IFRD1: variants seen among roughly 807,000 people sequenced by gnomAD.
IFRD1 encodes the protein interferon-related developmental regulator 1.
A neutral mutation model predicts 52.9 loss-of-function variants in IFRD1; 35 were observed. The observed-to-expected ratio is 0.66, with a 90% CI of 0.51 to 0.88. The LOEUF (loss-of-function observed/expected upper bound fraction) is 0.88. Among genes scored for constraint, IFRD1 ranks in the 40% least tolerant of loss-of-function variants. IFRD1 has a pLI of 0.00. For synonymous variants in IFRD1, 184 were observed against 188.4 expected, an observed-to-expected ratio of 0.98 and a Z score of 0.19; for missense variants, 517 against 550.8, an observed-to-expected ratio of 0.94 and a Z score of 0.61.
intron 1 of IFRD1, chr7:112,452,203 A>G: frequency 1.3e-6 from 1 of 757,048 alleles, no homozygotes; most frequent in Non-Finnish European, 1.6e-6. Flanking sequence ...TCTGTCGCCC[A>G]GGCTGGAGTG....
intron 2 of IFRD1, 24 bp downstream of exon 2, chr7:112,455,891 G>C: frequency 1.3e-6 from 2 of 1,539,748 alleles, no homozygotes; most frequent in Non-Finnish European, 1.8e-6. Flanking sequence ...ATTTAAATTT[G>C]CAACTTTAGA....
upstream of IFRD1, chr7:112,450,387 G>A (rs1442180769): frequency 2.3e-6 from 1 of 441,650 alleles, no homozygotes; most frequent in Non-Finnish European, 4.2e-6. Flanking sequence ...GTTGGGAAGC[G>A]CTCAAGCCCC....
chr7:112,450,310 G>C, upstream of IFRD1: 1 of 220,914 alleles, frequency 4.5e-6, no homozygotes, highest in South Asian at 5.3e-5. Flanking sequence ...CTGGCCGCAT[G>C]GGATTTGTAG....
chr7:112,473,534 C>T (rs1178683400), intron 11 of IFRD1, among the ~76,000 whole-genome samples: 1 of 151,580 alleles, frequency 6.6e-6, no homozygotes, highest in Admixed American at 6.6e-5. Context: ...AAGTGATTAT[C>T]CTGCCTCAGC....
At chr7:112,470,728 A>G (rs1354166585) in intron 9 of IFRD1, among the ~76,000 whole-genome samples, 1 of 152,238 alleles carries the variant, frequency 6.6e-6, no homozygotes, top group African/African-American at 2.4e-5. Context: ...TAGTATTTGC[A>G]TATAACCTAT....
chr7:112,439,531 A>G (rs1384219464), intron 1 of IFRD1, among the ~76,000 whole-genome samples: 1 of 152,206 alleles, frequency 6.6e-6, no homozygotes. Context: ...AGGGGATGGT[A>G]GGTGGTGCCT....
Position 112,468,132 on chromosome 7 carries a change from C to T in IFRD1, c.1041+17C>T, listed in dbSNP as rs1563271408. ...GCAGTGGAGGTAGGCTTCTTAAATG[C>T]TGTAATAGCTTCTCATTTTGAAATT... On this transcript the variant is annotated intron_variant, in intron 9 of 11. Coordinates refer to ENST00000403825, the MANE Select transcript of IFRD1 (RefSeq NM_001550.4). 5.0e-6 allele frequency: 8 copies of T among 1,611,994 alleles called. No homozygotes were observed. The highest frequency in any genetic ancestry group is 6.8e-6 in the Non-Finnish European group (8 of 1,178,204).
At chr7:112,429,982 C>T (rs1008394901) in intron 1 of IFRD1, among the ~76,000 whole-genome samples, 3 of 152,208 alleles carry the variant, frequency 2.0e-5, no homozygotes, top group African/African-American at 7.2e-5. Flanking sequence ...CATCTCCCTT[C>T]TTCTCAGCTT....
chr7:112,448,219 T>C (rs1795073137), upstream of IFRD1, among the ~76,000 whole-genome samples: 1 of 151,610 alleles, frequency 6.6e-6, no homozygotes, highest in Admixed American at 6.6e-5. Flanking sequence ...GATAATTTCA[T>C]GAGATGACAG....
intron 9 of IFRD1, among the ~76,000 whole-genome samples, chr7:112,470,226 G>A (rs7455170): frequency 0.46 from 70,501 of 152,038 alleles, 16,801 homozygotes; most frequent in Non-Finnish European, 0.51. Flanking sequence ...GAGAAATGGG[G>A]ACCAAAGGAA....
chr7:112,460,115 G>A lies in IFRD1; in HGVS notation c.567+1097G>A, dbSNP rs376881379. Among the ~76,000 whole-genome samples the A allele has an allele frequency of 1.6e-3, 236 of 148,088 alleles. 4 individuals carry two copies. Among genetic ancestry groups the A allele is most frequent in the South Asian group, 0.012 (52 of 4,390 alleles). The stretch of plus-strand genomic sequence containing the variant: ...TTGGAGCAGTCACTTAATTTTGATT[G>A]TATGTAAGTTTTTTTGTCATTTAAA... On this transcript the variant is annotated intron_variant, in intron 5 of 11. Transcript: ENST00000403825.
In IFRD1 at chr7:112,458,908, T is replaced by C; in HGVS notation, c.457T>C (p.Cys153Arg). Residue 153 changes from cysteine (C) to arginine (R), a missense_variant, in exon 5 of 12, where the codon TGT (cysteine) becomes CGT (arginine). Coordinates refer to ENST00000403825, the MANE Select transcript of IFRD1 (RefSeq NM_001550.4). ...AGCTGCAGCGTTAGCATCTGTTCTT[T>C]GTATTCAGCTGGGCCCTGGAATTGA... is the stretch of plus-strand genomic sequence containing the variant. ...RAAAALASVLCIQLGPGIESE... is the reference protein window; with the variant it reads ...RAAAALASVLRIQLGPGIESE... 6.2e-7 allele frequency: 1 copy of C among 1,614,076 alleles called. No individual in the cohort carries two copies. The highest frequency in any genetic ancestry group is 8.5e-7 in the Non-Finnish European group (1 of 1,179,914).
At chr7:112,433,860 G>A (rs549497194) in intron 1 of IFRD1, among the ~76,000 whole-genome samples, 108 of 152,040 alleles carry the variant, frequency 7.1e-4, no homozygotes, top group Non-Finnish European at 1.2e-3. Flanking sequence ...TCGCTAGGCC[G>A]CCCAGGCTGG....
chr7:112,470,662 A>G (rs560906157), intron 9 of IFRD1, among the ~76,000 whole-genome samples: 2 of 152,338 alleles, frequency 1.3e-5, no homozygotes, highest in East Asian at 1.9e-4. Flanking sequence ...CATTGGTTCC[A>G]GGATCCCCCT....
upstream of IFRD1, chr7:112,450,360 G>C (rs1464031809): frequency 1.4e-5 from 5 of 346,742 alleles, no homozygotes; most frequent in African/African-American, 1.1e-4. Flanking sequence ...GTCCAGTGGG[G>C]AGGTGTGCAG....
chr7:112,473,228 G>A (rs189351238), intron 11 of IFRD1, among the ~76,000 whole-genome samples: 5 of 151,966 alleles, frequency 3.3e-5, no homozygotes, highest in Admixed American at 6.5e-5. Flanking sequence ...TATATTTTAC[G>A]TATAATTCTA....
chr7:112,444,715 C>T (rs1279987987), intron 1 of IFRD1, among the ~76,000 whole-genome samples: 32 of 152,076 alleles, frequency 2.1e-4, no homozygotes, highest in Admixed American at 2.1e-3. Context: ...AATTTAACTT[C>T]AAGGGGCCTT....
intron 4 of IFRD1, chr7:112,457,964 A>C (rs2117299622): frequency 6.6e-6 from 1 of 152,286 alleles, no homozygotes; most frequent in East Asian, 1.9e-4. Context: ...CTTCCATTGA[A>C]TAGAATAAAG....
chr7:112,462,982 C>G (rs1042195596), intron 8 of IFRD1, among the ~76,000 whole-genome samples: 2 of 152,146 alleles, frequency 1.3e-5, no homozygotes, highest in African/African-American at 4.8e-5. Context: ...TGGTTTAGCA[C>G]TTACCATCTT....
Sources: allele counts gnomAD v4.1 joint callset (sites outside exome capture counted in the v4.1 genomes callset), GRCh38; gene constraint gnomAD v4.1.1; transcripts MANE v1.5; gene names NCBI Gene and HGNC (gene_info 2026-07-23, HGNC 2026-07-21).